Variants in LRRFIP2 observed in about 807,000 individuals in gnomAD.
LRRFIP2 encodes the protein leucine-rich repeat flightless-interacting protein 2.
In LRRFIP2, 109 loss-of-function variants were observed where a neutral mutation model predicts 125.9. The observed-to-expected ratio is 0.87, with a 90% CI of 0.74 to 1.01. The LOEUF is 1.01. LRRFIP2 is among the 50% of genes least tolerant of loss of function. The pLI is 0.00. For synonymous variants in LRRFIP2, 291 were observed against 293.1 expected (o/e 0.99, Z 0.07); for missense variants, 850 against 862.3 (o/e 0.99, Z 0.18).
chr3:37,054,006 C>T (rs780877375), intron 27 of LRRFIP2, 45 bp from the exon 28 acceptor site: 40 of 1,098,502 alleles, frequency 3.6e-5, no homozygotes, highest in Middle Eastern at 2.0e-4. Flanking sequence ...TCAGAAACAA[C>T]ATCCAGTGCT....
chr3:37,083,028 T>C (rs1311948937), intron 19 of LRRFIP2, among the ~76,000 whole-genome samples: 4 of 152,250 alleles, frequency 2.6e-5, no homozygotes, highest in African/African-American at 4.8e-5. Context: ...CTAAAACATA[T>C]GCTTTTAAAA....
chr3:37,142,943 T>C lies in LRRFIP2; in HGVS notation c.90+5951A>G, dbSNP rs116007090. 6.4e-3 allele frequency among the ~76,000 whole-genome samples: 980 copies of C among 152,240 alleles called. 10 individuals are homozygous for C. Among genetic ancestry groups the C allele is most frequent in the African/African-American group, 0.022 (927 of 41,540 alleles). On this transcript the variant is annotated intron_variant, in intron 2 of 27. Coordinates refer to ENST00000336686, the MANE Select transcript of LRRFIP2 (RefSeq NM_006309.4). ...CCCCAGTGTTGGAGGTGAGGCCTGG[T>C]GGGAGGTATTTGGGTCATCGGGGTG... is the stretch of plus-strand genomic sequence containing the variant.
At chr3:37,111,162 A>G in intron 8 of LRRFIP2, 97 bp from the exon 9 acceptor site, 1 of 786,944 alleles carries the variant, frequency 1.3e-6, no homozygotes, top group South Asian at 1.6e-5. Flanking sequence ...GCAAAATATG[A>G]TATTGCCAAA....
intron 15 of LRRFIP2, among the ~76,000 whole-genome samples, chr3:37,098,167 T>G (rs974441562): frequency 6.6e-6 from 1 of 152,182 alleles, no homozygotes; most frequent in Non-Finnish European, 1.5e-5. Context: ...GACATTTAAC[T>G]CTTTGTTACT....
chr3:37,101,347 ACTC>A (rs2094031012), intron 15 of LRRFIP2, among the ~76,000 whole-genome samples: 1 of 136,790 alleles, frequency 7.3e-6, no homozygotes, highest in Admixed American at 7.8e-5. Flanking sequence ...ACAGAGTGAG[ACTC>A]CGTCTCAAAA....
At position 37,168,684 on chromosome 3, in the gene LRRFIP2, T is replaced by A. The variant is rs112808654; in HGVS notation, c.-56+5855A>T. On this transcript the variant is annotated intron_variant, in intron 1 of 27. Coordinates refer to ENST00000336686, the MANE Select transcript of LRRFIP2 (RefSeq NM_006309.4). The stretch of plus-strand genomic sequence containing the variant: ...GATAAATTTTAAGTTATGTACACAG[T>A]CATGTGCTGCATAAGGATGTTCCAG... 7.8e-3 allele frequency among the ~76,000 whole-genome samples: 1,195 copies of A among 152,324 alleles called. 12 individuals carry two copies. The highest frequency in any genetic ancestry group is 0.028 in the African/African-American group (1,148 of 41,566).
intron 20 of LRRFIP2, among the ~76,000 whole-genome samples, chr3:37,073,898 T>C (rs2091660660): frequency 6.6e-6 from 1 of 152,180 alleles, no homozygotes; most frequent in African/African-American, 2.4e-5. Flanking sequence ...AGGGAAAGAA[T>C]TTCACATTAT....
At position 37,065,818 on chromosome 3, in the gene LRRFIP2, C is replaced by A; in HGVS notation, c.1691G>T (p.Gly564Val). The change falls in exon 23 of 28, where the codon GGG (glycine) becomes GTG (valine). Residue 564 changes from glycine to valine, a missense_variant. Coordinates refer to ENST00000336686, the MANE Select transcript of LRRFIP2 (RefSeq NM_006309.4). Reference sequence around the variant, plus strand: ...AGCAACCAGTATCTTACCTAATGGCCCTTCTCCTGCTGACTCCAAGACCTG... The same window carrying A: ...AGCAACCAGTATCTTACCTAATGGCACTTCTCCTGCTGACTCCAAGACCTG... Reference protein sequence around the residue: ...AAQVLESAGEGPLDVRLRKLA... With the variant: ...AAQVLESAGEVPLDVRLRKLA... 1 of 1,614,142 alleles carries A rather than the reference C, an allele frequency of 6.2e-7. No homozygotes were observed. The highest frequency in any genetic ancestry group is 1.1e-5 in the South Asian group (1 of 91,080).
In LRRFIP2 at chr3:37,148,908, T is replaced by C; in HGVS notation, c.76A>G (p.Asn26Asp). 6.2e-7 allele frequency: 1 copy of C among 1,614,094 alleles called. No individual in the cohort carries two copies. Among genetic ancestry groups the C allele is most frequent in the Non-Finnish European group, 8.5e-7 (1 of 1,179,976 alleles). Residue 26 changes from asparagine to aspartate, a missense_variant, in exon 2 of 28, where the codon AAC becomes GAC. Asn to Asp is a conservative substitution (Grantham distance 23, BLOSUM62 1). Coordinates refer to ENST00000336686, the MANE Select transcript of LRRFIP2 (RefSeq NM_006309.4). ...ACCAAACATACCTCTCTGGCAATGT[T>C]ACTCAAAGCTTCATCTTCTGCAGAA... ...RFSAEDEALS[N>D]IAREAEARLA...
intron 1 of LRRFIP2, among the ~76,000 whole-genome samples, chr3:37,156,905 G>A (rs899053364): frequency 5.3e-5 from 8 of 152,174 alleles, no homozygotes; most frequent in East Asian, 1.9e-4. Flanking sequence ...CAAGGCAGGC[G>A]CATCACCTGA....
In LRRFIP2 at chr3:37,146,329, G is replaced by C. The variant is rs561830891; in HGVS notation, c.90+2565C>G. 3.9e-5 allele frequency among the ~76,000 whole-genome samples: 6 copies of C among 152,260 alleles called. 1 individual carries two copies. The South Asian group carries it at 1.2e-3, about 32-fold the overall frequency. The stretch of plus-strand genomic sequence containing the variant: ...TATCTCACTGATTTTTAAGTTCTGG[G>C]ATACATGTGCAGGACCTGCAGGTTT... On this transcript the variant is annotated intron_variant, in intron 2 of 27. Coordinates refer to ENST00000336686, the MANE Select transcript of LRRFIP2 (RefSeq NM_006309.4).
chr3:37,075,104 G>T lies in LRRFIP2; in HGVS notation c.1291C>A (p.Gln431Lys). 1 of 1,610,324 alleles carries T rather than the reference G, an allele frequency of 6.2e-7. No homozygotes were observed. Among genetic ancestry groups the T allele is most frequent in the Non-Finnish European group, 8.5e-7 (1 of 1,178,850 alleles). Residue 431 changes from glutamine (Q) to lysine (K), a missense_variant, in exon 20 of 28, where the codon CAG becomes AAG. By Grantham distance (53) the Gln-to-Lys change is moderately conservative (BLOSUM62 1). Coordinates refer to ENST00000336686, the MANE Select transcript of LRRFIP2 (RefSeq NM_006309.4). ...NEEKSKELER[Q>K]KHMCSVLQHK... is the part of the protein sequence containing the mutation. ...TGCAGCACACTACACATATGTTTCTGCCTTTCTAACTCCTGTTATTAAACA... is the reference window on the plus strand; with the variant it reads ...TGCAGCACACTACACATATGTTTCTTCCTTTCTAACTCCTGTTATTAAACA...
chr3:37,096,127 ATCTTTC>A (rs574395496), intron 16 of LRRFIP2, among the ~76,000 whole-genome samples: 69 of 152,346 alleles, frequency 4.5e-4, no homozygotes, highest in Non-Finnish European at 6.9e-4. Context: ...GAGTTAATTT[ATCTTTC>A]TTGGGTATAG....
At chr3:37,066,420 A>G (rs1377516558) in intron 21 of LRRFIP2, 95 bp from the exon 22 acceptor site, 1 of 932,296 alleles carries the variant, frequency 1.1e-6, no homozygotes, top group East Asian at 2.4e-5. Flanking sequence ...AGCAAAGATA[A>G]AGGCATAAAA....
chr3:37,087,627 C>CA (rs1293766003), intron 18 of LRRFIP2, among the ~76,000 whole-genome samples: 1 of 150,912 alleles, frequency 6.6e-6, no homozygotes, highest in African/African-American at 2.4e-5. Context: ...CTCACTGTGT[C>CA]ACCCAACCTG....
intron 2 of LRRFIP2, among the ~76,000 whole-genome samples, chr3:37,137,179 T>C (rs1315778283): frequency 6.6e-6 from 1 of 152,166 alleles, no homozygotes; most frequent in Admixed American, 6.5e-5. Context: ...GGTTTCACCA[T>C]GTTGCCCAGG....
At chr3:37,126,825 C>T (rs2095292500) in intron 4 of LRRFIP2, among the ~76,000 whole-genome samples, 1 of 150,702 alleles carries the variant, frequency 6.6e-6, no homozygotes, top group African/African-American at 2.4e-5. Context: ...TGCCACTGAA[C>T]TCCAGCCTGG....
intron 22 of LRRFIP2, 46 bp downstream of exon 22, chr3:37,066,174 TAGAG>T (rs772444882): frequency 6.1e-6 from 9 of 1,483,160 alleles, no homozygotes; most frequent in Non-Finnish European, 8.5e-6. Context: ...GGAAGGAAGA[TAGAG>T]AGTAAAACAG....
chr3:37,136,656 C>T (rs2095560997), intron 2 of LRRFIP2, among the ~76,000 whole-genome samples: 1 of 151,888 alleles, frequency 6.6e-6, no homozygotes, highest in South Asian at 2.1e-4. Flanking sequence ...TTATGAATCT[C>T]AAAGAAGAGG....
Sources: gnomAD v4.1 joint callset for allele counts (sites outside exome capture counted in the v4.1 genomes callset) on GRCh38, gnomAD v4.1.1 for gene constraint, MANE v1.5 for transcripts, NCBI Gene and HGNC (gene_info 2026-07-23, HGNC 2026-07-21) for gene names.